Variants in ZBTB16 observed in about 807,000 individuals in gnomAD.
ZBTB16 encodes the protein zinc finger and BTB domain containing 16.
A neutral mutation model predicts 56.8 loss-of-function variants in ZBTB16; 8 were observed. The observed-to-expected ratio is 0.14, with a 90% CI of 0.08 to 0.25. The LOEUF is 0.25. ZBTB16 is among the 10% of genes least tolerant of loss of function. The pLI, the probability that ZBTB16 is intolerant of heterozygous loss-of-function variation, is 1.00. For synonymous variants in ZBTB16, 363 were observed against 368.5 expected, an observed-to-expected ratio of 0.98 and a Z score of 0.17; for missense variants, 625 against 903.0, an observed-to-expected ratio of 0.69 and a Z score of 3.95.
At chr11:114,156,578 C>T (rs765467140) in intron 3 of ZBTB16, 144 bp downstream of exon 3, 8 of 788,580 alleles carry the variant, frequency 1.0e-5, no homozygotes, top group Non-Finnish European at 1.7e-5. Flanking sequence ...GACCCTCCCT[C>T]CAGGCTTATG....
intron 4 of ZBTB16, among the ~76,000 whole-genome samples, chr11:114,214,054 A>G (rs1944045895): frequency 6.6e-6 from 1 of 152,248 alleles, no homozygotes; most frequent in African/African-American, 2.4e-5. Flanking sequence ...TAAATCAGCC[A>G]GAGACCAGCA....
At chr11:114,160,205 G>A (rs1364976845) in intron 3 of ZBTB16, among the ~76,000 whole-genome samples, 1 of 152,166 alleles carries the variant, frequency 6.6e-6, no homozygotes, top group Non-Finnish European at 1.5e-5. Flanking sequence ...AGACTTGTGG[G>A]TACAGTATGT....
At chr11:114,248,600 G>T (rs571190468) in intron 6 of ZBTB16, among the ~76,000 whole-genome samples, 1 of 152,340 alleles carries the variant, frequency 6.6e-6, no homozygotes, top group African/African-American at 2.4e-5. Context: ...GAGGAAGGGG[G>T]AGAGGTGGCT....
At chr11:114,185,294 G>C (rs676331) in intron 3 of ZBTB16, among the ~76,000 whole-genome samples, 91,089 of 152,050 alleles carry the variant, frequency 0.6, 28,207 homozygotes, top group African/African-American at 0.75. Flanking sequence ...AGAAGAGTAA[G>C]GGACTTGAGT....
intron 3 of ZBTB16, among the ~76,000 whole-genome samples, chr11:114,175,717 A>C (rs889612951): frequency 1.3e-5 from 2 of 152,120 alleles, no homozygotes; most frequent in African/African-American, 4.8e-5. Context: ...AGAGGCAGGG[A>C]CCAGCCTGGA....
chr11:114,168,004 T>C (rs753402104), intron 3 of ZBTB16, among the ~76,000 whole-genome samples: 27 of 152,250 alleles, frequency 1.8e-4, no homozygotes, highest in Admixed American at 6.5e-4. Context: ...ATCTGATCGC[T>C]CTTAGCCATT....
intron 4 of ZBTB16, among the ~76,000 whole-genome samples, chr11:114,217,154 G>A (rs78981287): frequency 0.02 from 2,998 of 152,266 alleles, 113 homozygotes; most frequent in Admixed American, 0.097. Flanking sequence ...GAGATAGAAC[G>A]TGGTGGATAC....
chr11:114,152,466 T>C (rs1942301608), intron 2 of ZBTB16, among the ~76,000 whole-genome samples: 1 of 152,270 alleles, frequency 6.6e-6, no homozygotes, highest in African/African-American at 2.4e-5. Context: ...GATTCAGCTT[T>C]CTTGAGACAA....
chr11:114,102,274 G>C (rs1045633984), intron 2 of ZBTB16, among the ~76,000 whole-genome samples: 37 of 152,328 alleles, frequency 2.4e-4, no homozygotes, highest in African/African-American at 8.4e-4. Context: ...TATCGTGGCT[G>C]TAAGGTGCTG....
chr11:114,238,842 G>T (rs903317654), intron 4 of ZBTB16, among the ~76,000 whole-genome samples: 9 of 152,048 alleles, frequency 5.9e-5, no homozygotes, highest in Non-Finnish European at 1.2e-4. Context: ...TGGCACATGT[G>T]TCCCAACTTC....
chr11:114,136,400 T>G (rs1941798950), intron 2 of ZBTB16, among the ~76,000 whole-genome samples: 1 of 152,128 alleles, frequency 6.6e-6, no homozygotes, highest in African/African-American at 2.4e-5. Flanking sequence ...ACTCTTGAGC[T>G]CATAGATCAC....
At chr11:114,197,215 C>T (rs1943630677) in intron 4 of ZBTB16, among the ~76,000 whole-genome samples, 1 of 152,202 alleles carries the variant, frequency 6.6e-6, no homozygotes, top group South Asian at 2.1e-4. Context: ...GCCACTCAAC[C>T]AGATGCAAAT....
chr11:114,086,193 ACT>A (rs1939950861), intron 2 of ZBTB16, among the ~76,000 whole-genome samples: 1 of 152,050 alleles, frequency 6.6e-6, no homozygotes, highest in South Asian at 2.1e-4. Flanking sequence ...AGCAGTGCAA[ACT>A]CAGCCCTGGG....
intron 2 of ZBTB16, among the ~76,000 whole-genome samples, chr11:114,074,610 G>A (rs914861266): frequency 6.6e-6 from 1 of 152,216 alleles, no homozygotes; most frequent in African/African-American, 2.4e-5. Context: ...TCTTGCCGAT[G>A]TACCTTATTA....
At chr11:114,111,726 ATTCTTTCAGTCTC>A (rs1181219528) in intron 2 of ZBTB16, among the ~76,000 whole-genome samples, 6 of 152,182 alleles carry the variant, frequency 3.9e-5, no homozygotes, top group African/African-American at 1.4e-4. Context: ...ACAAAGCTTC[ATTCTTTCAGTCTC>A]TTCTTTCCGT....
chr11:114,214,540 T>C (rs1056684311), intron 4 of ZBTB16, among the ~76,000 whole-genome samples: 1 of 152,156 alleles, frequency 6.6e-6, no homozygotes, highest in African/African-American at 2.4e-5. Flanking sequence ...AGAGATTCTA[T>C]ATCTTGCTGG....
At chr11:114,065,099 T>C (rs1218621309) in intron 2 of ZBTB16, among the ~76,000 whole-genome samples, 1 of 152,178 alleles carries the variant, frequency 6.6e-6, no homozygotes, top group Admixed American at 6.5e-5. Context: ...TTATTCCTGG[T>C]GAAAGTTAAT....
chr11:114,119,044 C>G (rs1941260283), intron 2 of ZBTB16, among the ~76,000 whole-genome samples: 1 of 152,072 alleles, frequency 6.6e-6, no homozygotes, highest in African/African-American at 2.4e-5. Flanking sequence ...GCAGGCGGAT[C>G]ACCTGAGGTC....
Position 114,254,410 on chromosome 11 carries a change from A to G in ZBTB16, c.*3855A>G, listed in dbSNP as rs1233997603. 6.6e-6 allele frequency among the ~76,000 whole-genome samples: 1 copy of G among 152,170 alleles called. No homozygotes were observed. On this transcript the variant is annotated 3_prime_UTR_variant, in exon 7 of 7. Transcript: ENST00000335953. ...TCCATGTTGAGAAAAAAAAGAAAAA[A>G]AAACTGCTGCAATTTTTCACAAGTG...
Sources: allele counts gnomAD v4.1 joint callset (sites outside exome capture counted in the v4.1 genomes callset), GRCh38; gene constraint gnomAD v4.1.1; transcripts MANE v1.5; gene names NCBI Gene and HGNC (gene_info 2026-07-23, HGNC 2026-07-21).